The following LETMD1 variants were observed in gnomAD, a reference collection of about 807,000 sequenced individuals.
LETMD1 encodes the protein LETM1 domain containing 1.
In LETMD1, 30 loss-of-function variants were observed where a neutral mutation model predicts 43.9. The ratio of observed to expected loss-of-function variants is 0.68; its 90% CI spans 0.51 to 0.93. LETMD1 has a LOEUF of 0.93. Among genes scored for constraint, LETMD1 ranks in the 40% least tolerant of loss-of-function variants. The probability of loss-of-function intolerance (pLI) is 0.00; values close to 1 mark genes in which losing one functional copy is unlikely to be tolerated. For synonymous variants in LETMD1, 176 were observed against 163.1 expected (o/e 1.08, Z -0.60); for missense variants, 413 against 447.7 (o/e 0.92, Z 0.70).
chr12:51,053,680 C>G (rs991293082), intron 3 of LETMD1, 98 bp from the exon 4 acceptor site: 10 of 760,336 alleles, frequency 1.3e-5, no homozygotes, highest in Admixed American at 2.6e-5. Context: ...TTTTTCTGGG[C>G]TGTAATAGAA....
intron 3 of LETMD1, chr12:51,052,492 C>G (rs1173278947): frequency 3.0e-6 from 1 of 330,636 alleles, no homozygotes; most frequent in Admixed American, 4.7e-5. Context: ...TAACAAAAGT[C>G]TGCAAGGGGG....
At chr12:51,063,851 G>C, downstream of LETMD1, 1 of 1,614,074 alleles carries the variant, frequency 6.2e-7, no homozygotes. Flanking sequence ...CCGTGCGGAA[G>C]GGGAGGCTTG....
downstream of LETMD1, chr12:51,063,938 G>A: frequency 6.2e-7 from 1 of 1,613,444 alleles, no homozygotes; most frequent in Non-Finnish European, 8.5e-7. Context: ...GAGCTTCTAG[G>A]GTGGGTGTTT....
intron 2 of LETMD1, among the ~76,000 whole-genome samples, chr12:51,049,777 T>C (rs1263162100): frequency 6.6e-6 from 1 of 152,224 alleles, no homozygotes. Flanking sequence ...TCCTTGGTTT[T>C]CTTATGTGTA....
the LETMD1 span, chr12:51,067,706 C>G: frequency 6.2e-7 from 1 of 1,613,930 alleles, no homozygotes; most frequent in Non-Finnish European, 8.5e-7. This position sits in a 1 kb window ranked among gnomAD's most constrained non-coding sequence, Gnocchi z 4.1. Context: ...TGCAGGCACA[C>G]GCTTCTGGGT....
chr12:51,051,985 G>T lies in LETMD1; in HGVS notation c.275-107G>T, dbSNP rs377361863. The T allele has an allele frequency of 2.3e-4, 211 of 913,688 alleles. No individual in the cohort carries two copies. In the African/African-American group the frequency reaches 3.2e-3, roughly 14 times the overall value. 56.6% of individuals were successfully genotyped at this position (913,688 alleles called of 1,614,324 possible). A position where few individuals can be genotyped will look rare whatever the true frequency, so the allele number is the denominator to read the frequency against. ...CTAGTTTAAAGCTTTGAGTATCGTT[G>T]GGGAGGGGTGAGAGTGTTTGCATGT... is the stretch of plus-strand genomic sequence containing the variant. On this transcript the variant is annotated intron_variant, in intron 2 of 8. Transcript: ENST00000262055.
chr12:51,068,203 G>A, the LETMD1 span, among the ~76,000 whole-genome samples: 2 of 152,192 alleles, frequency 1.3e-5, no homozygotes, highest in Non-Finnish European at 2.9e-5. Context: ...TGTCGTCCAG[G>A]CGGGAGTGCA....
At chr12:51,050,245 T>TA (rs1428570107) in intron 2 of LETMD1, among the ~76,000 whole-genome samples, 1 of 151,662 alleles carries the variant, frequency 6.6e-6, no homozygotes, top group African/African-American at 2.4e-5. Flanking sequence ...TTTTTTTTTT[T>TA]TGAGTCTCAC....
intron 2 of LETMD1, 71 bp downstream of exon 2, chr12:51,049,256 G>A (rs1945262773): frequency 1.4e-6 from 2 of 1,380,120 alleles, no homozygotes; most frequent in Admixed American, 2.0e-5. Flanking sequence ...GCATAAATAA[G>A]ATCATTTGCA....
At chr12:51,057,564 C>T in intron 7 of LETMD1, 1 of 182,466 alleles carries the variant, frequency 5.5e-6, no homozygotes, top group Non-Finnish European at 1.2e-5. Context: ...CTTTTGTCAT[C>T]TTGTCCATCA....
At chr12:51,057,214 T>C (rs1369160349) in intron 7 of LETMD1, among the ~76,000 whole-genome samples, 3 of 151,920 alleles carry the variant, frequency 2.0e-5, no homozygotes, top group Non-Finnish European at 2.9e-5. Context: ...CCAGCCTGGG[T>C]GATAGAGTGA....
At position 51,058,039 on chromosome 12, in the gene LETMD1, A is replaced by G; in HGVS notation, c.923A>G (p.Tyr308Cys). The change falls in exon 8 of 9, where the codon TAT (tyrosine) becomes TGT (cysteine). Residue 308 changes from tyrosine to cysteine, a missense_variant. Tyr to Cys is a radical substitution (Grantham distance 194). Transcript: ENST00000262055. ...LTAQEVKSACYLRGLNSTHIG... is the reference protein window; with the variant it reads ...LTAQEVKSACCLRGLNSTHIG... The stretch of plus-strand genomic sequence containing the variant: ...CTGTTCTGAGTGGTATAGGCTTGTT[A>G]TCTCCGTGGCCTGAATTCTACGCAT... The G allele has an allele frequency of 1.2e-6, 2 of 1,610,080 alleles. No homozygotes were observed. Among genetic ancestry groups the G allele is most frequent in the Non-Finnish European group, 1.7e-6 (2 of 1,176,330 alleles).
chr12:51,064,740 C>G, downstream of LETMD1: 1 of 1,348,850 alleles, frequency 7.4e-7, no homozygotes, highest in Admixed American at 2.5e-5. Context: ...GAGACATGAG[C>G]TGGCAAACAG....
chr12:51,063,943 G>A (rs1054822450), downstream of LETMD1: 1 of 1,613,272 alleles, frequency 6.2e-7, no homozygotes, highest in Non-Finnish European at 8.5e-7. Flanking sequence ...TCTAGGGTGG[G>A]TGTTTTCCCC....
chr12:51,066,453 CAAA>C, the LETMD1 span, among the ~76,000 whole-genome samples: 4 of 78,130 alleles, frequency 5.1e-5, no homozygotes, highest in Admixed American at 1.5e-4. Flanking sequence ...GACTCCGTCT[CAAA>C]AAAAAAAAAA....
chr12:51,066,350 G>A, the LETMD1 span, among the ~76,000 whole-genome samples: 1 of 152,028 alleles, frequency 6.6e-6, no homozygotes, highest in South Asian at 2.1e-4. Flanking sequence ...CTACTCGGGA[G>A]GCTGAGGCAG....
At chr12:51,049,680 G>A (rs371046684) in intron 2 of LETMD1, among the ~76,000 whole-genome samples, 8 of 152,140 alleles carry the variant, frequency 5.3e-5, no homozygotes, top group Admixed American at 2.6e-4. Context: ...GATATGTATC[G>A]TGTCAAGTGT....
At chr12:51,063,836 A>G (rs373953570), downstream of LETMD1, 171 of 1,613,802 alleles carry the variant, frequency 1.1e-4, 1 homozygote, top group South Asian at 1.4e-3. Context: ...AGCCCTCTTC[A>G]TTGTCCGTGC....
At chr12:51,062,497 C>A (rs1566168373), downstream of LETMD1, 2 of 152,206 alleles carry the variant, frequency 1.3e-5, no homozygotes, top group South Asian at 4.1e-4. Flanking sequence ...CTGAATCAAA[C>A]TGAATGAGTT....
Sources: gnomAD v4.1 joint callset for allele counts (sites outside exome capture counted in the v4.1 genomes callset) on GRCh38, gnomAD v4.1.1 for gene constraint, Gnocchi (gnomAD v3.1) non-coding constraint, MANE v1.5 for transcripts, NCBI Gene and HGNC (gene_info 2026-07-23, HGNC 2026-07-21) for gene names.